ROBO2: variants seen among roughly 807,000 people sequenced by gnomAD.
ROBO2 encodes roundabout guidance receptor 2, also known as roundabout homolog 2.
A neutral mutation model predicts 160.8 loss-of-function variants in ROBO2; 53 were observed. The ratio of observed to expected loss-of-function variants is 0.33; its 90% CI spans 0.26 to 0.41. The LOEUF is 0.41. Among genes scored for constraint, ROBO2 ranks in the 10% least tolerant of loss-of-function variants. The pLI is 1.00. For missense variants in ROBO2, 1,577 were observed against 1,722.4 expected, an observed-to-expected ratio of 0.92 and a Z score of 1.49; for synonymous variants, 664 against 611.7, an observed-to-expected ratio of 1.09 and a Z score of -1.26.
At chr3:76,533,122 T>G (rs543631366) in intron 2 of ROBO2, among the ~76,000 whole-genome samples, 2 of 152,218 alleles carry the variant, frequency 1.3e-5, no homozygotes, top group Admixed American at 6.5e-5. Context: ...TTAAAATGTA[T>G]GCATGCCTTT....
intron 2 of ROBO2, among the ~76,000 whole-genome samples, chr3:76,505,283 G>A (rs979764297): frequency 6.6e-5 from 10 of 151,924 alleles, no homozygotes; most frequent in Non-Finnish European, 1.3e-4. Context: ...GAACAACCAG[G>A]CAAAAACCAT....
At chr3:76,068,396 A>G (rs1270183731) in intron 2 of ROBO2, among the ~76,000 whole-genome samples, 2 of 152,132 alleles carry the variant, frequency 1.3e-5, no homozygotes, top group Non-Finnish European at 2.9e-5. Context: ...ATACCTTATG[A>G]TCTGGCTTAA....
intron 2 of ROBO2, among the ~76,000 whole-genome samples, chr3:76,258,452 AC>A (rs1233135874): frequency 6.6e-6 from 1 of 152,022 alleles, no homozygotes. Context: ...TTTACCGAGT[AC>A]CAGCACATTA....
chr3:76,073,208 A>T (rs2068519733), intron 2 of ROBO2, among the ~76,000 whole-genome samples: 1 of 145,056 alleles, frequency 6.9e-6, no homozygotes, highest in Non-Finnish European at 1.5e-5. Flanking sequence ...TAAAACATTT[A>T]ATTTCTTTAA....
At chr3:77,453,467 T>C (rs1233597599) in intron 2 of ROBO2, among the ~76,000 whole-genome samples, 2 of 152,064 alleles carry the variant, frequency 1.3e-5, no homozygotes, top group African/African-American at 2.4e-5. Context: ...TTGTTTCCAT[T>C]ATTGTTTTAT....
intron 2 of ROBO2, among the ~76,000 whole-genome samples, chr3:75,952,189 T>G (rs1948565578): frequency 6.6e-6 from 1 of 151,978 alleles, no homozygotes; most frequent in African/African-American, 2.4e-5. Context: ...ACAGTGAAGT[T>G]AATGTTCTTC....
At chr3:76,531,239 T>G (rs929144598) in intron 2 of ROBO2, among the ~76,000 whole-genome samples, 1 of 152,162 alleles carries the variant, frequency 6.6e-6, no homozygotes, top group African/African-American at 2.4e-5. Flanking sequence ...AAACCACTAT[T>G]TTCACCATTA....
intron 2 of ROBO2, among the ~76,000 whole-genome samples, chr3:77,223,496 A>G (rs2086095949): frequency 6.6e-6 from 1 of 152,088 alleles, no homozygotes; most frequent in Non-Finnish European, 1.5e-5. Flanking sequence ...CCCAAGATTG[A>G]GTCCTGTAGA....
intron 2 of ROBO2, among the ~76,000 whole-genome samples, chr3:76,110,110 T>G (rs995564699): frequency 6.6e-6 from 1 of 151,680 alleles, no homozygotes; most frequent in African/African-American, 2.4e-5. Flanking sequence ...ACTAGATATA[T>G]GGGAAGTCTT....
At chr3:76,288,740 A>C (rs556952599) in intron 2 of ROBO2, among the ~76,000 whole-genome samples, 11 of 152,232 alleles carry the variant, frequency 7.2e-5, no homozygotes, top group African/African-American at 2.6e-4. Flanking sequence ...AATACGTAAA[A>C]TTTGATTTTC....
At chr3:76,211,870 G>A (rs1703168518) in intron 2 of ROBO2, among the ~76,000 whole-genome samples, 1 of 151,782 alleles carries the variant, frequency 6.6e-6, no homozygotes, top group Admixed American at 6.6e-5. Context: ...AAATTAGCTG[G>A]ATTTAGGATT....
chr3:77,515,816 C>A (rs1390378583), intron 5 of ROBO2, among the ~76,000 whole-genome samples: 3 of 151,482 alleles, frequency 2.0e-5, no homozygotes, highest in African/African-American at 7.3e-5. Context: ...CCTTTGCTAC[C>A]GATGAATTCC....
intron 17 of ROBO2, among the ~76,000 whole-genome samples, chr3:77,594,546 T>A (rs1439644848): frequency 6.6e-6 from 1 of 152,340 alleles, no homozygotes; most frequent in East Asian, 1.9e-4. Context: ...ATATTCAGTA[T>A]CAATTATTTG....
intron 2 of ROBO2, among the ~76,000 whole-genome samples, chr3:76,042,082 A>G (rs2067292777): frequency 6.6e-6 from 1 of 151,606 alleles, no homozygotes; most frequent in Non-Finnish European, 1.5e-5. Context: ...CAAATTAAAG[A>G]TGAATTAAAT....
intron 2 of ROBO2, among the ~76,000 whole-genome samples, chr3:76,405,705 G>GT (rs2078088126): frequency 6.6e-6 from 1 of 151,620 alleles, no homozygotes; most frequent in African/African-American, 2.4e-5. Flanking sequence ...TCTTCTACTT[G>GT]TTTTTCCTCT....
At chr3:76,513,770 C>G (rs1018964992) in intron 2 of ROBO2, among the ~76,000 whole-genome samples, 7 of 152,152 alleles carry the variant, frequency 4.6e-5, no homozygotes, top group African/African-American at 1.7e-4. Context: ...GTTTAAACAA[C>G]TATCAGACTA....
chr3:76,180,044 C>T lies in ROBO2; in HGVS notation c.109+242442C>T, dbSNP rs888186891. ...TCCGGCAGGGTGGAATTTTATATCC[C>T]TCTTTTCCATCTATACCTCCCCACC... On this transcript the variant is annotated intron_variant, in intron 2 of 26. Coordinates refer to the ROBO2 transcript ENST00000487694. Among the ~76,000 whole-genome samples, 4 of 152,106 alleles carry T rather than the reference C, an allele frequency of 2.6e-5. No homozygotes were observed. The East Asian group carries it at 7.7e-4, about 29-fold the overall frequency.
intron 2 of ROBO2, among the ~76,000 whole-genome samples, chr3:76,931,002 C>T (rs929694015): frequency 1.3e-5 from 2 of 152,040 alleles, no homozygotes; most frequent in African/African-American, 2.4e-5. Flanking sequence ...TTTTTTTTCT[C>T]TGCTAGAATG....
intron 2 of ROBO2, among the ~76,000 whole-genome samples, chr3:76,762,244 A>T (rs146138814): frequency 6.6e-6 from 1 of 151,728 alleles, no homozygotes; most frequent in African/African-American, 2.4e-5. Context: ...GATGAATTTG[A>T]ACAATTTTAG....
Sources: gnomAD v4.1 joint callset for allele counts (sites outside exome capture counted in the v4.1 genomes callset) on GRCh38, gnomAD v4.1.1 for gene constraint, MANE v1.5 for transcripts, NCBI Gene and HGNC (gene_info 2026-07-23, HGNC 2026-07-21) for gene names.